Variants in WDR53 observed in about 807,000 individuals in gnomAD.
WDR53 encodes WD repeat-containing protein 53.
WDR53 carries 19 observed loss-of-function variants against 21.3 expected under a neutral mutation model. The observed-to-expected ratio is 0.89, with a 90% CI of 0.62 to 1.31. WDR53 has a LOEUF of 1.31. Among genes scored for constraint, WDR53 ranks in the 50% most tolerant of loss-of-function variants. The pLI is 0.00. For synonymous variants in WDR53, 157 were observed against 163.4 expected (o/e 0.96, Z 0.30); for missense variants, 374 against 423.2 (o/e 0.88, Z 1.02).
intron 2 of WDR53, among the ~76,000 whole-genome samples, chr3:196,563,877 C>T (rs1198461279): frequency 6.6e-6 from 1 of 152,156 alleles, no homozygotes; most frequent in African/African-American, 2.4e-5. Context: ...CAGCCTCCCC[C>T]TACTTTTAGT....
intron 2 of WDR53, among the ~76,000 whole-genome samples, chr3:196,563,659 C>T (rs933644156): frequency 2.0e-5 from 3 of 151,952 alleles, no homozygotes; most frequent in Non-Finnish European, 2.9e-5. Flanking sequence ...GCAACCTCTG[C>T]CTCCTATGTT....
At chr3:196,555,379 T>C (rs1734231718) in intron 3 of WDR53, among the ~76,000 whole-genome samples, 1 of 152,234 alleles carries the variant, frequency 6.6e-6, no homozygotes, top group East Asian at 1.9e-4. Context: ...CATATTCTAC[T>C]AGCTTATCAG....
chr3:196,566,499 C>T (rs1400053578), intron 2 of WDR53, among the ~76,000 whole-genome samples: 2 of 151,720 alleles, frequency 1.3e-5, no homozygotes, highest in African/African-American at 2.4e-5. Flanking sequence ...CTGCAACCTC[C>T]GTCTCCCAGG....
In WDR53 at chr3:196,567,258, T is replaced by A. The variant is rs1735496040; in HGVS notation, c.-398A>T. The A allele has an allele frequency of 6.6e-6, 3 of 456,734 alleles. No individual in the cohort carries two copies. Among genetic ancestry groups the A allele is most frequent in the Admixed American group, 4.7e-5 (2 of 42,526 alleles). The allele number at this position is 456,734 out of a possible 1,614,324, so 28.3% of individuals were successfully genotyped here. Reference sequence around the variant, plus strand: ...GGGGTTTCTGAAGTTGGACTTGATGTGGAGAAGCTGGATAGCAACCAAAAT... The same window carrying A: ...GGGGTTTCTGAAGTTGGACTTGATGAGGAGAAGCTGGATAGCAACCAAAAT... On this transcript the variant is annotated 5_prime_UTR_variant, in exon 2 of 4. Coordinates refer to ENST00000332629, the MANE Select transcript of WDR53 (RefSeq NM_182627.3).
At chr3:196,566,259 A>G (rs1397098015) in intron 2 of WDR53, among the ~76,000 whole-genome samples, 2 of 147,624 alleles carry the variant, frequency 1.4e-5, no homozygotes, top group Non-Finnish European at 3.0e-5. Context: ...CCAGCTAATT[A>G]TCTTATTTTT....
Position 196,567,122 on chromosome 3 carries a change from T to G in WDR53, c.-262A>C. ...GCTGTTCATTCTGTCTAGTTCATGA[T>G]CCCTTTCTCAGATGGATCAACTCTG... is the stretch of plus-strand genomic sequence containing the variant. On this transcript the variant is annotated 5_prime_UTR_variant, in exon 2 of 4. Coordinates refer to ENST00000332629, the MANE Select transcript of WDR53 (RefSeq NM_182627.3). 2.2e-6 allele frequency: 1 copy of G among 456,872 alleles called. No homozygotes were observed. Among genetic ancestry groups the G allele is most frequent in the Admixed American group, 2.3e-5 (1 of 42,570 alleles). The allele number at this position is 456,872 out of a possible 1,614,324, so 28.3% of individuals were successfully genotyped here. A position where few individuals can be genotyped will look rare whatever the true frequency, so the allele number is the denominator to read the frequency against.
At position 196,561,335 on chromosome 3, in the gene WDR53, C is replaced by T. The variant is rs570101400; in HGVS notation, c.141G>A (p.Arg47=). Residue 47 remains arginine, a synonymous_variant, in exon 3 of 4, where the codon CGG becomes CGA. Transcript: ENST00000332629. The stretch of plus-strand genomic sequence containing the variant: ...TGGTAACATCATCAGCCCCTTGGAA[C>T]CGCGTGTGTCCTAATGGAGTTCCAT... ...GEDGTPLGHT[R]FQGADDVTSV... 2 of 1,614,120 alleles carry T rather than the reference C, an allele frequency of 1.2e-6. No homozygotes were observed. Among genetic ancestry groups the T allele is most frequent in the African/African-American group, 2.7e-5 (2 of 75,000 alleles).
chr3:196,560,153 C>T (rs1237835205), intron 3 of WDR53, among the ~76,000 whole-genome samples: 1 of 152,206 alleles, frequency 6.6e-6, no homozygotes, highest in Non-Finnish European at 1.5e-5. Context: ...AATTAAACAC[C>T]TCCAGTTCTC....
rs375833887 is a variant in WDR53, at chr3:196,558,976, G to C, written c.480+2020C>G. ...TACTTGTTTCCAGGGCTGTTCACTAGCAAGTGCCTGCCACTAAAACGTCTT... is the reference window on the plus strand; with the variant it reads ...TACTTGTTTCCAGGGCTGTTCACTACCAAGTGCCTGCCACTAAAACGTCTT... On this transcript the variant is annotated intron_variant, in intron 3 of 3. Transcript: ENST00000332629. Among the ~76,000 whole-genome samples the C allele has an allele frequency of 2.3e-4, 35 of 152,158 alleles. No individual in the cohort carries two copies. In the East Asian group the frequency reaches 2.9e-3, roughly 13 times the overall value.
chr3:196,559,701 CT>C (rs1457400293), intron 3 of WDR53, among the ~76,000 whole-genome samples: 2 of 152,132 alleles, frequency 1.3e-5, no homozygotes, highest in African/African-American at 4.8e-5. Flanking sequence ...CACAATGGTT[CT>C]CTCTCTAGAA....
chr3:196,568,554 T>G lies in WDR53; in HGVS notation c.-483A>C, dbSNP rs1310642070. Reference sequence around the variant, plus strand: ...CGCTCCCCTCCTCGGCGCCTAGTGATAACCTCACCCGCCGGCGCCCAATCC... The same window carrying G: ...CGCTCCCCTCCTCGGCGCCTAGTGAGAACCTCACCCGCCGGCGCCCAATCC... On this transcript the variant is annotated 5_prime_UTR_variant, in exon 1 of 4. Transcript: ENST00000332629. 3 of 152,364 alleles carry G rather than the reference T, an allele frequency of 2.0e-5. No homozygotes were observed. Among genetic ancestry groups the G allele is most frequent in the Non-Finnish European group, 4.4e-5 (3 of 68,140 alleles). 9.4% of individuals were successfully genotyped at this position (152,364 alleles called of 1,614,324 possible).
Position 196,567,751 on chromosome 3 carries a change from T to TTGTGTGTGTGTGTGTGTG in WDR53, c.-447-462_-447-445dup, listed in dbSNP as rs3080583. On this transcript the variant is annotated intron_variant, in intron 1 of 3. Transcript: ENST00000332629. ...GTATAATCAAATAATGCTGAAATTC[T>TTGTGTGTGTGTGTGTGTG]TGTGTGTGTGTGTGTGTGTGTGTGT... Among the ~76,000 whole-genome samples the TTGTGTGTGTGTGTGTGTG allele has an allele frequency of 2.7e-3, 395 of 143,652 alleles. 3 individuals are homozygous for TTGTGTGTGTGTGTGTGTG. Among genetic ancestry groups the TTGTGTGTGTGTGTGTGTG allele is most frequent in the African/African-American group, 6.5e-3 (247 of 37,982 alleles). 94.2% of individuals were successfully genotyped at this position (143,652 alleles called of 152,430 possible).
Position 196,561,339 on chromosome 3 carries a change from G to C in WDR53, c.137C>G (p.Thr46Arg). ...AACATCATCAGCCCCTTGGAACCGC[G>C]TGTGTCCTAATGGAGTTCCATCTTC... is the stretch of plus-strand genomic sequence containing the variant. ...WGEDGTPLGHTRFQGADDVTS... is the reference protein window; with the variant it reads ...WGEDGTPLGHRRFQGADDVTS... The change falls in exon 3 of 4, where the codon ACG (threonine) becomes AGG (arginine). Residue 46 changes from threonine (T) to arginine (R), a missense_variant. Transcript: ENST00000332629. 6.2e-7 allele frequency: 1 copy of C among 1,614,108 alleles called. No individual in the cohort carries two copies. Among genetic ancestry groups the C allele is most frequent in the East Asian group, 2.2e-5 (1 of 44,882 alleles).
intron 3 of WDR53, among the ~76,000 whole-genome samples, chr3:196,556,728 G>A (rs1190262839): frequency 6.6e-6 from 1 of 151,602 alleles, no homozygotes; most frequent in Non-Finnish European, 1.5e-5. Context: ...TAGCTTCACT[G>A]TATTGGCAGA....
intron 2 of WDR53, among the ~76,000 whole-genome samples, chr3:196,562,462 A>C (rs1356063723): frequency 6.6e-6 from 1 of 151,932 alleles, no homozygotes; most frequent in Non-Finnish European, 1.5e-5. Flanking sequence ...GGGTTTCACC[A>C]TGTTGGCCAG....
intron 2 of WDR53, 104 bp from the exon 3 acceptor site, chr3:196,561,595 A>AG: frequency 1.6e-6 from 2 of 1,232,540 alleles, no homozygotes; most frequent in Non-Finnish European, 2.1e-6. Flanking sequence ...ATGTTTTAAA[A>AG]ATACATCTTA....
chr3:196,562,723 A>G (rs545562137), intron 2 of WDR53, among the ~76,000 whole-genome samples: 2 of 152,234 alleles, frequency 1.3e-5, no homozygotes, highest in African/African-American at 4.8e-5. Flanking sequence ...TCTCAAAACA[A>G]CCCTTTTGAT....
At chr3:196,560,798 G>A (rs546351906) in intron 3 of WDR53, among the ~76,000 whole-genome samples, 198 bp downstream of exon 3, 107 of 152,280 alleles carry the variant, frequency 7.0e-4, no homozygotes, top group African/African-American at 2.5e-3. Context: ...AAAAGTAAAG[G>A]ATTAATGATT....
At chr3:196,567,604 G>A (rs749735257) in intron 1 of WDR53, among the ~76,000 whole-genome samples, 5 of 152,134 alleles carry the variant, frequency 3.3e-5, no homozygotes, top group Non-Finnish European at 7.4e-5. Flanking sequence ...AAAAATCTGC[G>A]TAAATGACGT....
Sources: gnomAD v4.1 joint callset for allele counts (sites outside exome capture counted in the v4.1 genomes callset) on GRCh38, gnomAD v4.1.1 for gene constraint, MANE v1.5 for transcripts, NCBI Gene and HGNC (gene_info 2026-07-23, HGNC 2026-07-21) for gene names.